CEL: variants seen among roughly 807,000 people sequenced by gnomAD.
CEL encodes carboxyl ester lipase.
Under a neutral mutation model 57.1 loss-of-function variants are expected in CEL, and 39 were observed. The ratio of observed to expected loss-of-function variants is 0.68; its 90% confidence interval spans 0.53 to 0.89. The LOEUF (loss-of-function observed/expected upper bound fraction) is 0.89. Ranked by LOEUF, CEL falls within the 40% of genes least tolerant of loss-of-function variation. The pLI is 0.00. For synonymous variants in CEL, 314 were observed against 396.6 expected, an observed-to-expected ratio of 0.79 and a Z score of 2.48; for missense variants, 698 against 915.0, an observed-to-expected ratio of 0.76 and a Z score of 3.06.
Position 133,071,322 on chromosome 9 carries a change from C to A in CEL, c.1820C>A (p.Thr607Lys). The stretch of plus-strand genomic sequence containing the variant: ...TCCGGGGCCCCCCCCGTGCCGCCCA[C>A]GGGTGACTCCGGGGCCCCCCCCGTG... ...GDSGAPPVPP[T>K]GDSGAPPVPP... The change falls in exon 11 of 11, where the codon ACG becomes AAG. Residue 607 changes from threonine (T) to lysine (K), a missense_variant. By Grantham distance (78) the Thr-to-Lys change is moderately conservative. Around this residue, in one of 6 missense-constraint regions of CEL, gnomAD observed 238 missense variants for 213.7 expected, o/e 1.11. Coordinates refer to ENST00000372080, the MANE Select transcript of CEL (RefSeq NM_001807.6). 2.3e-6 allele frequency: 1 copy of A among 427,984 alleles called. No individual in the cohort carries two copies. Among genetic ancestry groups the A allele is most frequent in the Non-Finnish European group, 4.0e-6 (1 of 249,274 alleles). 26.5% of individuals were successfully genotyped at this position (427,984 alleles called of 1,614,324 possible).
intron 6 of CEL, 64 bp downstream of exon 6, chr9:133,067,009 G>C: frequency 1.2e-6 from 2 of 1,605,368 alleles, no homozygotes; most frequent in Non-Finnish European, 1.7e-6. Flanking sequence ...CTTTATCCTG[G>C]ACCCCATCCT....
At position 133,066,971 on chromosome 9, in the gene CEL, C is replaced by CGGGGTGGGG; in HGVS notation, c.777+28_777+36dup. 4 of 571,458 alleles carry CGGGGTGGGG rather than the reference C, an allele frequency of 7.0e-6. No individual in the cohort carries two copies. The highest frequency in any genetic ancestry group is 1.2e-5 in the Non-Finnish European group (4 of 330,518). 35.4% of individuals were successfully genotyped at this position (571,458 alleles called of 1,614,324 possible). A position where few individuals can be genotyped will look rare whatever the true frequency, so the allele number is the denominator to read the frequency against. ...GTAAACGGAGGAGGGCAGGGCTGGG[C>CGGGGTGGGG]GGGGTGGGGGCTGTCCACATTTCCG... is the stretch of plus-strand genomic sequence containing the variant. On this transcript the variant is annotated intron_variant, in intron 6 of 10. Transcript: ENST00000372080. The surrounding 1 kb of genome is among the most constrained non-coding windows in gnomAD (Gnocchi z 4.3).
chr9:133,067,081 C>A lies in CEL; in HGVS notation c.778-7C>A. The A allele has an allele frequency of 6.2e-7, 1 of 1,613,850 alleles. No homozygotes were observed. On this transcript the variant is annotated splice_region_variant and splice_polypyrimidine_tract_variant and intron_variant, in intron 6 of 10. Transcript: ENST00000372080. ...CACCTACCTGCTGGCCTTGGTTCTGCCCCCAGGTGGCTGAGAAGGTGGGTT... is the reference window on the plus strand; with the variant it reads ...CACCTACCTGCTGGCCTTGGTTCTGACCCCAGGTGGCTGAGAAGGTGGGTT...
chr9:133,064,718 A>G lies in CEL; in HGVS notation c.296A>G (p.Asp99Gly). ...ITQDSTYGDEDCLYLNIWVPQ... is the reference protein window; with the variant it reads ...ITQDSTYGDEGCLYLNIWVPQ... Reference sequence around the variant, plus strand: ...CAGGACAGCACCTACGGGGATGAAGACTGCCTGTACCTCAACATTTGGGTG... The same window carrying G: ...CAGGACAGCACCTACGGGGATGAAGGCTGCCTGTACCTCAACATTTGGGTG... Residue 99 changes from aspartate to glycine, a missense_variant, in exon 3 of 11, where the codon GAC (aspartate) becomes GGC (glycine). This residue lies in a region of CEL where 327 missense variants were observed against 374.1 expected (regional missense o/e 0.87). Transcript: ENST00000372080. 2 of 1,614,100 alleles carry G rather than the reference A, an allele frequency of 1.2e-6. No individual in the cohort carries two copies. Among genetic ancestry groups the G allele is most frequent in the Non-Finnish European group, 1.7e-6 (2 of 1,180,022 alleles).
At chr9:133,067,894 G>A (rs1453175628) in intron 7 of CEL, among the ~76,000 whole-genome samples, 7 of 152,196 alleles carry the variant, frequency 4.6e-5, no homozygotes, top group African/African-American at 1.2e-4. Flanking sequence ...CTGGGGCCCA[G>A]CCTCCAGCTC....
chr9:133,064,969 AGG>A (rs1830151870), intron 3 of CEL, 69 bp from the exon 4 acceptor site: 2 of 1,592,908 alleles, frequency 1.3e-6, no homozygotes, highest in East Asian at 4.5e-5. Context: ...CCTGCTGCAC[AGG>A]GACAGGGGAC....
Position 133,070,572 on chromosome 9 carries a change from C to T in CEL, c.1398C>T (p.Pro466=). 1 of 1,614,076 alleles carries T rather than the reference C, an allele frequency of 6.2e-7. No individual in the cohort carries two copies. The highest frequency in any genetic ancestry group is 8.5e-7 in the Non-Finnish European group (1 of 1,180,000). ...ADDIQYVFGK[P]FATPTGYRPQ... Reference sequence around the variant, plus strand: ...ACATTCAGTACGTTTTCGGGAAGCCCTTCGCCACCCCCACGGGCTACCGGC... The same window carrying T: ...ACATTCAGTACGTTTTCGGGAAGCCTTTCGCCACCCCCACGGGCTACCGGC... Residue 466 remains proline, a synonymous_variant, in exon 10 of 11, where the codon CCC becomes CCT. Coordinates refer to ENST00000372080, the MANE Select transcript of CEL (RefSeq NM_001807.6).
chr9:133,067,171 G>T lies in CEL; in HGVS notation c.861G>T (p.Thr287=). ...CLKVTDPRAL[T]LAYKVPLAGL... ...AGGTTACTGATCCCCGAGCCCTGACGCTGGCCTATAAGGTGCCGCTGGCAG... is the reference window on the plus strand; with the variant it reads ...AGGTTACTGATCCCCGAGCCCTGACTCTGGCCTATAAGGTGCCGCTGGCAG... Residue 287 remains threonine (T), a synonymous_variant, in exon 7 of 11, where the codon ACG becomes ACT. Coordinates refer to ENST00000372080, the MANE Select transcript of CEL (RefSeq NM_001807.6). The T allele has an allele frequency of 6.2e-7, 1 of 1,613,960 alleles. No homozygotes were observed. Among genetic ancestry groups the T allele is most frequent in the South Asian group, 1.1e-5 (1 of 91,060 alleles).
At position 133,071,245 on chromosome 9, in the gene CEL, C is replaced by A; in HGVS notation, c.1743C>A (p.Pro581=). Reference sequence around the variant, plus strand: ...CCACGGGTGACTCCGAGACCGCCCCCGTGCCGCCCACGGGTGACTCCGGGG... The same window carrying A: ...CCACGGGTGACTCCGAGACCGCCCCAGTGCCGCCCACGGGTGACTCCGGGG... ...VPPTGDSETA[P]VPPTGDSGAP... The change falls in exon 11 of 11, where the codon CCC becomes CCA. Residue 581 remains proline (P), a synonymous_variant. Coordinates refer to ENST00000372080, the MANE Select transcript of CEL (RefSeq NM_001807.6). 1 of 1,576,994 alleles carries A rather than the reference C, an allele frequency of 6.3e-7. No homozygotes were observed. Among genetic ancestry groups the A allele is most frequent in the South Asian group, 1.2e-5 (1 of 85,874 alleles).
rs539409464 is a variant in CEL, at chr9:133,066,335, A to C, written c.539-195A>C. ...CCCACTCCAGCAACCAACGTGACCT[A>C]GTCTCCTGGGGACCCACCCCCTCCA... On this transcript the variant is annotated intron_variant, in intron 4 of 10. Coordinates refer to ENST00000372080, the MANE Select transcript of CEL (RefSeq NM_001807.6). This position sits in a 1 kb window ranked among gnomAD's most constrained non-coding sequence, Gnocchi z 4.3. Among the ~76,000 whole-genome samples the C allele has an allele frequency of 2.0e-5, 3 of 151,622 alleles. No homozygotes were observed. The highest frequency in any genetic ancestry group is 7.3e-5 in the African/African-American group (3 of 41,276).
intron 4 of CEL, 141 bp downstream of exon 4, chr9:133,065,378 C>G: frequency 3.1e-6 from 3 of 968,424 alleles, no homozygotes; most frequent in Non-Finnish European, 3.2e-6. Context: ...TCATGAGATG[C>G]AGGAGGCCCT....
chr9:133,066,956 G>GTTGT lies in CEL; in HGVS notation c.777+11_777+12insTTGT. 6.4e-7 allele frequency: 1 copy of GTTGT among 1,557,150 alleles called. No homozygotes were observed. Among genetic ancestry groups the GTTGT allele is most frequent in the Non-Finnish European group, 8.9e-7 (1 of 1,129,030 alleles). ...TTCTGGGCCAAAAAGGTAAACGGAG[G>GTTGT]AGGGCAGGGCTGGGCGGGGTGGGGG... On this transcript the variant is annotated intron_variant, in intron 6 of 10. Transcript: ENST00000372080. The surrounding 1 kb of genome is among the most constrained non-coding windows in gnomAD (Gnocchi z 4.3).
rs535449376 is a variant in CEL at position 133,065,254 on chromosome 9, G to A, written c.538+17G>A. On this transcript the variant is annotated intron_variant, in intron 4 of 10. Transcript: ENST00000372080. ...ATCTGCCAGGTGCGTGGGTGCCTTCGGCCCTGAGGTGGGGCGACCAGCATG... is the reference window on the plus strand; with the variant it reads ...ATCTGCCAGGTGCGTGGGTGCCTTCAGCCCTGAGGTGGGGCGACCAGCATG... 38 of 1,611,006 alleles carry A rather than the reference G, an allele frequency of 2.4e-5. No individual in the cohort carries two copies. The South Asian group carries it at 2.7e-4, about 12-fold the overall frequency.
chr9:133,064,701 C>T lies in CEL; in HGVS notation c.279C>T (p.Ser93=). The T allele has an allele frequency of 1.2e-6, 2 of 1,614,124 alleles. No individual in the cohort carries two copies. Among genetic ancestry groups the T allele is most frequent in the Non-Finnish European group, 1.7e-6 (2 of 1,180,018 alleles). The change falls in exon 3 of 11, where the codon AGC becomes AGT. Residue 93 remains serine, a synonymous_variant. Transcript: ENST00000372080. ...RCLQATITQD[S]TYGDEDCLYL... ...TGCAGGCCACCATCACCCAGGACAG[C>T]ACCTACGGGGATGAAGACTGCCTGT...
chr9:133,063,261 C>G (rs534569955), intron 1 of CEL, among the ~76,000 whole-genome samples: 164 of 152,318 alleles, frequency 1.1e-3, no homozygotes, highest in African/African-American at 3.6e-3. Context: ...ATCACGACCC[C>G]TCCCCATTTC....
At position 133,070,988 on chromosome 9, in the gene CEL, G is replaced by A; in HGVS notation, c.1486G>A (p.Asp496Asn). The A allele has an allele frequency of 1.2e-6, 2 of 1,613,486 alleles. No homozygotes were observed. Among genetic ancestry groups the A allele is most frequent in the East Asian group, 2.2e-5 (1 of 44,848 alleles). ...AYWTNFAKTG[D>N]PNMGDSAVPT... ...GCACAGCCTCTTCTCACTCTGCAGG[G>A]ACCCCAACATGGGCGACTCGGCTGT... The change falls in exon 11 of 11, where the codon GAC becomes AAC. Residue 496 changes from aspartate to asparagine, a missense_variant and splice_region_variant. This residue lies in a region of CEL where 111 missense variants were observed against 147.3 expected (regional missense o/e 0.75). Transcript: ENST00000372080.
rs141119079 is a variant in CEL, at chr9:133,065,488, G to A, written c.538+251G>A. ...GGAGGCCCACACAGGTGGGTCACTT[G>A]AGCGCAGAAGTTCAAGACCAGCCTG... On this transcript the variant is annotated intron_variant, in intron 4 of 10. Coordinates refer to ENST00000372080, the MANE Select transcript of CEL (RefSeq NM_001807.6). 5.9e-5 allele frequency among the ~76,000 whole-genome samples: 9 copies of A among 152,294 alleles called. No homozygotes were observed. The East Asian group carries it at 1.7e-3, about 29-fold the overall frequency.
chr9:133,069,680 A>G (rs1830233576), intron 9 of CEL, among the ~76,000 whole-genome samples: 1 of 152,144 alleles, frequency 6.6e-6, no homozygotes, highest in African/African-American at 2.4e-5. Context: ...CAATTATAAT[A>G]AAAAATAAGG....
At chr9:133,069,914 T>C (rs1458714479) in intron 9 of CEL, among the ~76,000 whole-genome samples, 4 of 152,176 alleles carry the variant, frequency 2.6e-5, no homozygotes, top group South Asian at 4.1e-4. Flanking sequence ...GAGGTTGCAG[T>C]GAGCCGAGAT....
Sources: allele counts gnomAD v4.1 joint callset (sites outside exome capture counted in the v4.1 genomes callset), GRCh38; gene constraint gnomAD v4.1.1; regional missense constraint gnomAD v4.1.1; non-coding constraint Gnocchi (gnomAD v3.1); transcripts MANE v1.5; gene names NCBI Gene and HGNC (gene_info 2026-07-23, HGNC 2026-07-21).